NTM: variants seen among roughly 807,000 people sequenced by gnomAD.
NTM encodes the protein neurotrimin.
In NTM, 13 loss-of-function variants were observed where a neutral mutation model predicts 42.1. The ratio of observed to expected loss-of-function variants is 0.31; its 90% CI spans 0.20 to 0.49. The LOEUF (loss-of-function observed/expected upper bound fraction) is 0.49. Among genes scored for constraint, NTM ranks in the 20% least tolerant of loss-of-function variants. The pLI is 0.99. For synonymous variants in NTM, 187 were observed against 179.2 expected, an observed-to-expected ratio of 1.04 and a Z score of -0.35; for missense variants, 373 against 452.8, an observed-to-expected ratio of 0.82 and a Z score of 1.60.
intron 1 of NTM, among the ~76,000 whole-genome samples, chr11:131,494,006 C>G (rs1955072011): frequency 1.3e-5 from 2 of 152,288 alleles, no homozygotes; most frequent in East Asian, 3.9e-4. Flanking sequence ...TGTCATTCAG[C>G]AAGTCCTATT....
At chr11:131,902,292 C>G (rs143075349) in intron 1 of NTM, among the ~76,000 whole-genome samples, 1 of 152,180 alleles carries the variant, frequency 6.6e-6, no homozygotes, top group African/African-American at 2.4e-5. Context: ...AAATTCAAGC[C>G]TTCCACAAAC....
At chr11:131,483,404 G>A (rs541016267) in intron 1 of NTM, among the ~76,000 whole-genome samples, 2 of 152,316 alleles carry the variant, frequency 1.3e-5, no homozygotes, top group South Asian at 4.1e-4. Context: ...ATTTGTAAAC[G>A]TGCAAACTGA....
chr11:131,510,996 T>G (rs2048163555), intron 1 of NTM, among the ~76,000 whole-genome samples: 1 of 152,208 alleles, frequency 6.6e-6, no homozygotes, highest in South Asian at 2.1e-4. Flanking sequence ...GCCTCCAACT[T>G]AAAGTGCGGT....
intron 1 of NTM, among the ~76,000 whole-genome samples, chr11:131,484,885 A>G (rs1328616192): frequency 6.6e-6 from 1 of 152,224 alleles, no homozygotes; most frequent in Non-Finnish European, 1.5e-5. Context: ...TCAAACAGAA[A>G]TGGAACATAA....
intron 1 of NTM, among the ~76,000 whole-genome samples, chr11:131,845,779 A>G (rs1313821277): frequency 6.6e-6 from 1 of 152,060 alleles, no homozygotes; most frequent in Non-Finnish European, 1.5e-5. Flanking sequence ...AAGAAAAAAG[A>G]CAAAAATATA....
At chr11:132,188,807 T>C (rs1205976552) in intron 3 of NTM, among the ~76,000 whole-genome samples, 6 of 152,222 alleles carry the variant, frequency 3.9e-5, no homozygotes, top group Non-Finnish European at 8.8e-5. Flanking sequence ...CATTAACTGA[T>C]GCTAATCTAA....
intron 4 of NTM, among the ~76,000 whole-genome samples, chr11:132,259,737 T>TTTTGTTTGTTTGTTTG (rs544919719): frequency 1.3e-5 from 2 of 151,482 alleles, no homozygotes; most frequent in Admixed American, 1.3e-4. Context: ...AGTTTTTTGT[T>TTTTGTTTGTTTGTTTG]TTTGTTTGTT....
intron 1 of NTM, among the ~76,000 whole-genome samples, chr11:131,473,651 A>G (rs544906910): frequency 6.6e-6 from 1 of 152,136 alleles, no homozygotes; most frequent in African/African-American, 2.4e-5. Context: ...GGGAAAATGG[A>G]AGCCAATGAG....
chr11:132,180,575 AAC>A (rs1378598451), intron 3 of NTM, among the ~76,000 whole-genome samples: 1 of 152,182 alleles, frequency 6.6e-6, no homozygotes, highest in African/African-American at 2.4e-5. Flanking sequence ...GAAAAGTAAA[AAC>A]AAAAAACAAA....
chr11:131,627,155 T>C (rs1358381190), intron 1 of NTM, among the ~76,000 whole-genome samples: 2 of 152,236 alleles, frequency 1.3e-5, no homozygotes, highest in East Asian at 3.9e-4. Flanking sequence ...GTGCCCTGGC[T>C]CTCCCAGGTG....
intron 1 of NTM, among the ~76,000 whole-genome samples, chr11:131,619,761 A>T (rs1592249741): frequency 6.6e-6 from 1 of 152,182 alleles, no homozygotes; most frequent in South Asian, 2.1e-4. Context: ...CAGATAAGTC[A>T]CCCAGTAAAA....
chr11:131,820,895 G>A (rs368424157), intron 1 of NTM, among the ~76,000 whole-genome samples: 4 of 152,108 alleles, frequency 2.6e-5, no homozygotes, highest in African/African-American at 9.7e-5. Context: ...TACAAACGCG[G>A]CCACTATGAG....
At chr11:131,824,822 A>G (rs959713372) in intron 1 of NTM, among the ~76,000 whole-genome samples, 2 of 152,146 alleles carry the variant, frequency 1.3e-5, no homozygotes, top group African/African-American at 4.8e-5. Context: ...GAGGGAAAAT[A>G]TTCTGGACAA....
At chr11:131,885,354 C>T (rs2050212979) in intron 1 of NTM, among the ~76,000 whole-genome samples, 1 of 152,176 alleles carries the variant, frequency 6.6e-6, no homozygotes. Flanking sequence ...GAGCCCTTCC[C>T]TCAAGCCTGC....
intron 1 of NTM, chr11:131,385,415 C>G (rs993385592): frequency 1.6e-4 from 25 of 152,184 alleles, no homozygotes; most frequent in African/African-American, 5.8e-4. Flanking sequence ...CGAGGTACAA[C>G]TTCACACCCA....
Position 131,887,329 on chromosome 11 carries a change from G to A in NTM, c.83-24235G>A, listed in dbSNP as rs77904657. Among the ~76,000 whole-genome samples, 1,427 of 152,158 alleles carry A rather than the reference G, an allele frequency of 9.4e-3. 24 individuals carry two copies. The highest frequency in any genetic ancestry group is 0.032 in the African/African-American group (1,342 of 41,526). On this transcript the variant is annotated intron_variant, in intron 1 of 8. Transcript: ENST00000683400. The stretch of plus-strand genomic sequence containing the variant: ...GAAAATGAAAAGACTGAGTGCCTGG[G>A]AACAAAAACAAAAACAAAACAGGAA...
intron 2 of NTM, among the ~76,000 whole-genome samples, chr11:131,964,513 A>G (rs148329478): frequency 1.8e-4 from 27 of 152,362 alleles, no homozygotes; most frequent in African/African-American, 6.5e-4. Flanking sequence ...GTGTCTAATT[A>G]TTAATATTAA....
intron 1 of NTM, among the ~76,000 whole-genome samples, chr11:131,839,266 T>C (rs2043925199): frequency 6.6e-6 from 1 of 152,206 alleles, no homozygotes; most frequent in Admixed American, 6.5e-5. Context: ...CTGGCCTGTA[T>C]ATTTTAAGGT....
At chr11:132,056,716 A>G (rs1310754813) in intron 2 of NTM, among the ~76,000 whole-genome samples, 1 of 152,128 alleles carries the variant, frequency 6.6e-6, no homozygotes, top group Non-Finnish European at 1.5e-5. Flanking sequence ...AGTTTGTTAC[A>G]TTGTCAAACT....
Sources: gnomAD v4.1 joint callset for allele counts (sites outside exome capture counted in the v4.1 genomes callset) on GRCh38, gnomAD v4.1.1 for gene constraint, MANE v1.5 for transcripts, NCBI Gene and HGNC (gene_info 2026-07-23, HGNC 2026-07-21) for gene names.